Variants in ESCO2 observed in about 807,000 individuals in gnomAD.
ESCO2 encodes establishment of sister chromatid cohesion N-acetyltransferase 2, also known as N-acetyltransferase ESCO2.
A neutral mutation model predicts 61.7 loss-of-function variants in ESCO2; 51 were observed. That is an observed-to-expected ratio of 0.83 (90% confidence interval 0.66 to 1.04). The LOEUF is 1.04. Ranked by LOEUF, ESCO2 falls within the 50% of genes least tolerant of loss-of-function variation. The pLI is 0.00. For missense variants in ESCO2, 692 were observed against 686.2 expected (o/e 1.01, Z -0.09); for synonymous variants, 230 against 238.2 (o/e 0.97, Z 0.32).
upstream of ESCO2, among the ~76,000 whole-genome samples, chr8:27,772,862 A>T (rs1804684787): frequency 6.6e-6 from 1 of 152,166 alleles, no homozygotes; most frequent in Non-Finnish European, 1.5e-5. Context: ...AACTCACAGG[A>T]TATTTTTTAG....
downstream of ESCO2, among the ~76,000 whole-genome samples, chr8:27,815,203 AAAG>A (rs10578861): frequency 0.16 from 23,825 of 152,006 alleles, 2,348 homozygotes; most frequent in East Asian, 0.36. Context: ...GGGAGGGGTA[AAAG>A]AAGGAAAAGT....
chr8:27,807,385 T>C (rs147641464), downstream of ESCO2, among the ~76,000 whole-genome samples: 572 of 152,300 alleles, frequency 3.8e-3, 5 homozygotes, highest in African/African-American at 0.013. Flanking sequence ...GATTTTTCTT[T>C]ATTGTTAATA....
downstream of ESCO2, among the ~76,000 whole-genome samples, chr8:27,815,259 C>G (rs1805787696): frequency 6.6e-6 from 1 of 152,174 alleles, no homozygotes; most frequent in Admixed American, 6.5e-5. Flanking sequence ...AGTTAACAAG[C>G]ACTCATTTAT....
At chr8:27,780,876 AGATAT>A (rs1199608218) in intron 4 of ESCO2, among the ~76,000 whole-genome samples, 1 of 152,154 alleles carries the variant, frequency 6.6e-6, no homozygotes, top group Non-Finnish European at 1.5e-5. Flanking sequence ...TATGATTCTG[AGATAT>A]GATGTTAATA....
the ESCO2 span, among the ~76,000 whole-genome samples, chr8:27,817,872 C>G: frequency 6.6e-6 from 1 of 152,162 alleles, no homozygotes; most frequent in Non-Finnish European, 1.5e-5. Flanking sequence ...ATGAAACTTT[C>G]TATGATGATT....
At chr8:27,812,900 A>T (rs1805721602), downstream of ESCO2, among the ~76,000 whole-genome samples, 1 of 152,200 alleles carries the variant, frequency 6.6e-6, no homozygotes, top group Non-Finnish European at 1.5e-5. Context: ...ACCATTGTGG[A>T]AGACAGTGTG....
intron 7 of ESCO2, 116 bp from the exon 8 acceptor site, chr8:27,791,847 T>C: frequency 3.4e-6 from 3 of 890,270 alleles, no homozygotes; most frequent in Non-Finnish European, 5.4e-6. Flanking sequence ...TTTCATCTTC[T>C]TCTTTTTATA....
At chr8:27,797,859 T>C (rs1418313872) in intron 9 of ESCO2, among the ~76,000 whole-genome samples, 1 of 152,204 alleles carries the variant, frequency 6.6e-6, no homozygotes, top group African/African-American at 2.4e-5. Flanking sequence ...GTTTACATCT[T>C]TTTATGTTGT....
Position 27,799,614 on chromosome 8 carries a change from GT to G in ESCO2, c.1573del (p.Ser525GlnfsTer11). The G allele has an allele frequency of 6.2e-7, 1 of 1,613,960 alleles. No homozygotes were observed. Among genetic ancestry groups the G allele is most frequent in the South Asian group, 1.1e-5 (1 of 91,070 alleles). ...SSTECPRAWQ[C>X]SDVPEPAVCG... The stretch of plus-strand genomic sequence containing the variant: ...ACGGAATGTCCTAGGGCTTGGCAAT[GT>G]TCAGATGTACCAGAACCTGCAGTCT... On this transcript the variant is annotated frameshift_variant, in exon 10 of 11. Transcript: ENST00000305188. LOFTEE classifies it high-confidence loss of function.
intron 10 of ESCO2, 110 bp from the exon 11 acceptor site, chr8:27,803,196 T>A (rs998204615): frequency 1.1e-6 from 1 of 950,662 alleles, no homozygotes; most frequent in Non-Finnish European, 1.7e-6. Flanking sequence ...ATTTTTTCAC[T>A]TACTAAAAAT....
chr8:27,782,239 C>T (rs1260188532), intron 4 of ESCO2, among the ~76,000 whole-genome samples: 2 of 151,988 alleles, frequency 1.3e-5, no homozygotes, highest in African/African-American at 4.8e-5. Context: ...TAATTCATAC[C>T]CCTGTGAGAA....
intron 9 of ESCO2, among the ~76,000 whole-genome samples, chr8:27,798,898 GGAA>G (rs1439390942): frequency 1.3e-5 from 2 of 152,224 alleles, no homozygotes; most frequent in African/African-American, 2.4e-5. Context: ...ACTATAATGA[GGAA>G]GAAGATCTTT....
downstream of ESCO2, chr8:27,812,072 T>C (rs971399853): frequency 6.6e-6 from 1 of 152,192 alleles, no homozygotes; most frequent in Non-Finnish European, 1.5e-5. Context: ...CTTCTCCATT[T>C]TCTTGCCTTA....
intron 10 of ESCO2, among the ~76,000 whole-genome samples, chr8:27,802,681 G>A (rs1805475815): frequency 1.8e-5 from 2 of 111,814 alleles, no homozygotes; most frequent in South Asian, 6.0e-4. Context: ...TATAGTTACT[G>A]CTTAAGATTG....
At chr8:27,783,966 G>A (rs897857727) in intron 4 of ESCO2, 34 bp from the exon 5 acceptor site, 3 of 1,537,646 alleles carry the variant, frequency 2.0e-6, no homozygotes, top group Admixed American at 1.7e-5. Flanking sequence ...ATTTTATTTG[G>A]TAATACACAT....
At chr8:27,819,538 G>T in the ESCO2 span, among the ~76,000 whole-genome samples, 1 of 151,914 alleles carries the variant, frequency 6.6e-6, no homozygotes, top group African/African-American at 2.4e-5. Flanking sequence ...CAAATTTCTA[G>T]ATTTACAGCA....
At chr8:27,799,436 G>A (rs1222976591) in intron 9 of ESCO2, 105 bp from the exon 10 acceptor site, 2 of 1,113,570 alleles carry the variant, frequency 1.8e-6, no homozygotes, top group African/African-American at 1.5e-5. Context: ...TAACATACTT[G>A]GAGATATAAG....
At chr8:27,809,384 A>G (rs1397487889), downstream of ESCO2, among the ~76,000 whole-genome samples, 2 of 152,148 alleles carry the variant, frequency 1.3e-5, no homozygotes, top group African/African-American at 4.8e-5. Flanking sequence ...GTTTCTGAGA[A>G]CGCCCTGTGT....
At chr8:27,778,308 C>T (rs1267748822) in intron 3 of ESCO2, 1 of 151,950 alleles carries the variant, frequency 6.6e-6, no homozygotes, top group Non-Finnish European at 1.5e-5. Flanking sequence ...GTTTTTAGTC[C>T]TCACTGTAAA....
Sources: gnomAD v4.1 joint callset for allele counts (sites outside exome capture counted in the v4.1 genomes callset) on GRCh38, gnomAD v4.1.1 for gene constraint, MANE v1.5 for transcripts, NCBI Gene and HGNC (gene_info 2026-07-23, HGNC 2026-07-21) for gene names.